GRID2: variants seen among roughly 807,000 people sequenced by gnomAD.
The protein encoded by GRID2 is glutamate ionotropic receptor delta type subunit 2, also known as glutamate receptor ionotropic, delta-2.
Under a neutral mutation model 114.8 loss-of-function variants are expected in GRID2, and 33 were observed. That is an observed-to-expected ratio of 0.29 (90% CI 0.22 to 0.38). The LOEUF (loss-of-function observed/expected upper bound fraction) is 0.38, where lower values mean the gene tolerates loss of function less well. GRID2 is among the 10% of genes least tolerant of loss of function. The probability of loss-of-function intolerance (pLI) is 1.00; values close to 1 mark genes in which losing one functional copy is unlikely to be tolerated. For missense variants in GRID2, 1,184 were observed against 1,257.7 expected, an observed-to-expected ratio of 0.94 and a Z score of 0.89; for synonymous variants, 505 against 449.9, an observed-to-expected ratio of 1.12 and a Z score of -1.55.
intron 2 of GRID2, chr4:92,823,115 C>T (rs1274863797): frequency 6.6e-6 from 1 of 152,030 alleles, no homozygotes; most frequent in Admixed American, 6.6e-5. Flanking sequence ...ATGTGAAGGG[C>T]AATATTGGAG....
intron 8 of GRID2, among the ~76,000 whole-genome samples, chr4:93,373,578 A>T (rs1430140308): frequency 1.3e-5 from 2 of 152,138 alleles, no homozygotes; most frequent in Non-Finnish European, 2.9e-5. Flanking sequence ...TTAATGTATC[A>T]TGTTTGTTTT....
intron 4 of GRID2, among the ~76,000 whole-genome samples, chr4:93,192,652 C>G (rs890664595): frequency 2.4e-4 from 35 of 144,230 alleles, no homozygotes; most frequent in African/African-American, 8.4e-4. Flanking sequence ...GAGGCTGAGG[C>G]AGGAGAATTG....
intron 1 of GRID2, among the ~76,000 whole-genome samples, chr4:92,499,111 A>T (rs1388461112): frequency 6.6e-6 from 1 of 151,990 alleles, no homozygotes; most frequent in Non-Finnish European, 1.5e-5. Flanking sequence ...TACATTGTAG[A>T]TATGTATACT....
At chr4:92,815,592 A>G (rs1158096267) in intron 2 of GRID2, among the ~76,000 whole-genome samples, 1 of 152,054 alleles carries the variant, frequency 6.6e-6, no homozygotes, top group Non-Finnish European at 1.5e-5. Flanking sequence ...TTGATTTCTG[A>G]AATGTTATAA....
intron 1 of GRID2, among the ~76,000 whole-genome samples, chr4:92,540,504 AAAG>A (rs1211171703): frequency 6.6e-6 from 1 of 152,238 alleles, no homozygotes; most frequent in Non-Finnish European, 1.5e-5. Flanking sequence ...ACACTTCTCA[AAAG>A]AAGACATTTA....
At chr4:93,226,302 C>T (rs1281898343) in intron 7 of GRID2, among the ~76,000 whole-genome samples, 1 of 152,070 alleles carries the variant, frequency 6.6e-6, no homozygotes, top group African/African-American at 2.4e-5. Context: ...AAATTTCTGC[C>T]AGCTGTGAAA....
chr4:93,594,158 G>C (rs1738754158), intron 13 of GRID2, among the ~76,000 whole-genome samples: 4 of 152,084 alleles, frequency 2.6e-5, no homozygotes, highest in South Asian at 2.1e-4. Context: ...CAGTTTTTCT[G>C]TTCTGTCTTT....
chr4:92,502,960 C>T (rs1723762273), intron 1 of GRID2, among the ~76,000 whole-genome samples: 1 of 151,868 alleles, frequency 6.6e-6, no homozygotes, highest in Non-Finnish European at 1.5e-5. Context: ...CCATGATCAG[C>T]CCACCTTAGC....
At chr4:92,808,339 T>C (rs1740513276) in intron 2 of GRID2, among the ~76,000 whole-genome samples, 7 of 151,966 alleles carry the variant, frequency 4.6e-5, no homozygotes, top group Admixed American at 4.6e-4. Context: ...ACAGAATCAA[T>C]AGGAAAGTAG....
intron 1 of GRID2, among the ~76,000 whole-genome samples, chr4:92,465,703 G>A (rs141787869): frequency 6.7e-4 from 102 of 152,060 alleles, no homozygotes; most frequent in African/African-American, 2.4e-3. Flanking sequence ...AATCCTGCTT[G>A]ACATGTTCTT....
At chr4:93,520,806 A>C (rs1405828802) in intron 13 of GRID2, among the ~76,000 whole-genome samples, 1 of 152,182 alleles carries the variant, frequency 6.6e-6, no homozygotes, top group Non-Finnish European at 1.5e-5. Context: ...ATATTCTATG[A>C]GTGATTTTAA....
chr4:93,339,300 A>T (rs1345714898), intron 8 of GRID2, among the ~76,000 whole-genome samples: 1 of 152,210 alleles, frequency 6.6e-6, no homozygotes, highest in Admixed American at 6.5e-5. Flanking sequence ...TAATTACATT[A>T]AAATGAGGTC....
intron 2 of GRID2, among the ~76,000 whole-genome samples, chr4:93,057,444 A>G (rs1341357377): frequency 6.6e-6 from 1 of 151,828 alleles, no homozygotes; most frequent in Non-Finnish European, 1.5e-5. Context: ...GTTGTTGTTC[A>G]TTCCCTGATG....
At chr4:93,192,070 C>T (rs1246998985) in intron 4 of GRID2, among the ~76,000 whole-genome samples, 3 of 152,104 alleles carry the variant, frequency 2.0e-5, no homozygotes, top group Non-Finnish European at 4.4e-5. Context: ...TTTATTTTCA[C>T]TGGGGCTTAT....
At chr4:92,479,923 T>A (rs1422094285) in intron 1 of GRID2, among the ~76,000 whole-genome samples, 1 of 152,174 alleles carries the variant, frequency 6.6e-6, no homozygotes, top group African/African-American at 2.4e-5. Flanking sequence ...TCAAATGTTA[T>A]TAAAGCATTT....
At chr4:92,913,320 A>G (rs560654863) in intron 2 of GRID2, among the ~76,000 whole-genome samples, 3 of 152,012 alleles carry the variant, frequency 2.0e-5, no homozygotes, top group South Asian at 2.1e-4. Context: ...GGGAATAGTG[A>G]AATACGACAA....
intron 8 of GRID2, among the ~76,000 whole-genome samples, chr4:93,288,017 C>G (rs551034522): frequency 6.6e-6 from 1 of 152,320 alleles, no homozygotes; most frequent in African/African-American, 2.4e-5. Flanking sequence ...ATAGAGACAT[C>G]TAACCCTGAT....
rs1454662049 is a variant in GRID2 at position 92,690,100 on chromosome 4, G to C, written c.244+99814G>C. 2.6e-5 allele frequency among the ~76,000 whole-genome samples: 4 copies of C among 151,856 alleles called. No individual in the cohort carries two copies. The East Asian group carries it at 5.8e-4, about 22-fold the overall frequency. Reference sequence around the variant, plus strand: ...TTTAAGCTTTTCCTTTGCATTCACAGCATGCTTAATGGGCACCTGAGGCCT... The same window carrying C: ...TTTAAGCTTTTCCTTTGCATTCACACCATGCTTAATGGGCACCTGAGGCCT... On this transcript the variant is annotated intron_variant, in intron 2 of 15. Coordinates refer to ENST00000282020, the MANE Select transcript of GRID2 (RefSeq NM_001510.4).
chr4:92,770,490 T>G (rs1351204419), intron 2 of GRID2, among the ~76,000 whole-genome samples: 3 of 152,060 alleles, frequency 2.0e-5, no homozygotes, highest in South Asian at 2.1e-4. Context: ...TTTACTCTAG[T>G]CATCTGTTTT....
Sources: gnomAD v4.1 joint callset for allele counts (sites outside exome capture counted in the v4.1 genomes callset) on GRCh38, gnomAD v4.1.1 for gene constraint, MANE v1.5 for transcripts, NCBI Gene and HGNC (gene_info 2026-07-23, HGNC 2026-07-21) for gene names.